Variants in DCAF12 observed in about 807,000 individuals in gnomAD.
DCAF12 encodes DDB1- and CUL4-associated factor 12.
In DCAF12, 28 loss-of-function variants were observed where a neutral mutation model predicts 52.8. The ratio of observed to expected loss-of-function variants is 0.53; its 90% confidence interval spans 0.39 to 0.73. The LOEUF (loss-of-function observed/expected upper bound fraction) is 0.73. DCAF12 is among the 30% of genes least tolerant of loss of function. The pLI, the probability that DCAF12 is intolerant of heterozygous loss-of-function variation, is 0.00. For missense variants in DCAF12, 425 were observed against 552.2 expected (o/e 0.77, Z 2.31); for synonymous variants, 196 against 215.5 (o/e 0.91, Z 0.79).
At position 34,126,562 on chromosome 9, in the gene DCAF12, C is replaced by A; in HGVS notation, c.-131G>T. ...GCCCGGCCCGGAAAATGGCCCGGACCCGGAGCGGCAGCAGAAAAAAGATAG... is the reference window on the plus strand; with the variant it reads ...GCCCGGCCCGGAAAATGGCCCGGACACGGAGCGGCAGCAGAAAAAAGATAG... On this transcript the variant is annotated 5_prime_UTR_variant, in exon 1 of 9. Coordinates refer to ENST00000361264, the MANE Select transcript of DCAF12 (RefSeq NM_015397.4). The A allele has an allele frequency of 5.1e-6, 5 of 984,090 alleles. No homozygotes were observed. Among genetic ancestry groups the A allele is most frequent in the Non-Finnish European group, 7.2e-6 (5 of 690,254 alleles). The allele number at this position is 984,090 out of a possible 1,614,324, so 61.0% of individuals were successfully genotyped here.
At chr9:34,120,372 T>C (rs955499233) in intron 2 of DCAF12, among the ~76,000 whole-genome samples, 3 of 151,824 alleles carry the variant, frequency 2.0e-5, no homozygotes, top group Non-Finnish European at 4.4e-5. Context: ...AAATGCTGTC[T>C]TGAAAAACAA....
In DCAF12 at chr9:34,121,602, G is replaced by A. The variant is rs750640068; in HGVS notation, c.333+3421C>T. Among the ~76,000 whole-genome samples, 6 of 122,950 alleles carry A rather than the reference G, an allele frequency of 4.9e-5. No individual in the cohort carries two copies. The East Asian group carries it at 7.0e-4, about 14-fold the overall frequency. 80.7% of individuals were successfully genotyped at this position (122,950 alleles called of 152,430 possible). Reference sequence around the variant, plus strand: ...CAACTGTGTAGATCATCACTCTGCCGATTGCCATCCTTCTCCTCAAATCAC... The same window carrying A: ...CAACTGTGTAGATCATCACTCTGCCAATTGCCATCCTTCTCCTCAAATCAC... On this transcript the variant is annotated intron_variant, in intron 2 of 8. Transcript: ENST00000361264.
intron 4 of DCAF12, among the ~76,000 whole-genome samples, chr9:34,102,836 G>A (rs1828850280): frequency 6.6e-6 from 1 of 151,986 alleles, no homozygotes; most frequent in Admixed American, 6.6e-5. Flanking sequence ...AACACTTTGG[G>A]AGGCTTAGGC....
intron 4 of DCAF12, 22 bp from the exon 5 acceptor site, chr9:34,098,539 G>A: frequency 6.2e-7 from 1 of 1,603,802 alleles, no homozygotes; most frequent in Non-Finnish European, 8.5e-7. Flanking sequence ...GGAGAACACA[G>A]ATGTCAGATG....
chr9:34,118,705 T>C (rs1220855778), intron 2 of DCAF12, among the ~76,000 whole-genome samples: 1 of 152,112 alleles, frequency 6.6e-6, no homozygotes, highest in Non-Finnish European at 1.5e-5. Flanking sequence ...GGGTCATGCA[T>C]ATAATCCCAG....
rs1346213969 is a variant in DCAF12, at chr9:34,088,254, A to C, written c.*96T>G. Reference sequence around the variant, plus strand: ...CAAACTTTGGTGTTCCCACTAAAACACAAGAGCCTCACACAATTAGGAAAA... The same window carrying C: ...CAAACTTTGGTGTTCCCACTAAAACCCAAGAGCCTCACACAATTAGGAAAA... On this transcript the variant is annotated 3_prime_UTR_variant, in exon 9 of 9. Transcript: ENST00000361264. 2 of 1,396,318 alleles carry C rather than the reference A, an allele frequency of 1.4e-6. No homozygotes were observed. Among genetic ancestry groups the C allele is most frequent in the Admixed American group, 2.6e-5 (1 of 38,696 alleles). 86.5% of individuals were successfully genotyped at this position (1,396,318 alleles called of 1,614,324 possible).
intron 1 of DCAF12, 133 bp from the exon 2 acceptor site, chr9:34,125,410 A>G: frequency 9.4e-7 from 1 of 1,058,996 alleles, no homozygotes. Context: ...ACACAAGAGA[A>G]CAAGAATCTC....
At chr9:34,124,586 T>C (rs1829219035) in intron 2 of DCAF12, among the ~76,000 whole-genome samples, 1 of 152,246 alleles carries the variant, frequency 6.6e-6, no homozygotes, top group South Asian at 2.1e-4. Flanking sequence ...TTTTAGATTC[T>C]GTTCACTAAA....
rs1289618692 is a variant in DCAF12 at position 34,102,011 on chromosome 9, T to C, written c.602-3494A>G. The stretch of plus-strand genomic sequence containing the variant: ...ACCTGGGTGACAGAGTGAGACCCTG[T>C]CGCAAAAAAAAAAAAAAGATAATAA... On this transcript the variant is annotated intron_variant, in intron 4 of 8. Coordinates refer to ENST00000361264, the MANE Select transcript of DCAF12 (RefSeq NM_015397.4). 5.4e-5 allele frequency among the ~76,000 whole-genome samples: 7 copies of C among 128,878 alleles called. No homozygotes were observed. In the East Asian group the frequency reaches 1.5e-3, roughly 28 times the overall value. 84.5% of individuals were successfully genotyped at this position (128,878 alleles called of 152,430 possible). A position where few individuals can be genotyped will look rare whatever the true frequency, so the allele number is the denominator to read the frequency against.
Position 34,096,711 on chromosome 9 carries a change from C to G in DCAF12, c.861+5G>C. ...GGTAAAACCACAAAATCATGTTCATCACACCTTAGATAGTGTATTTTCAGC... is the reference window on the plus strand; with the variant it reads ...GGTAAAACCACAAAATCATGTTCATGACACCTTAGATAGTGTATTTTCAGC... On this transcript the variant is annotated splice_donor_5th_base_variant and intron_variant, in intron 6 of 8. Transcript: ENST00000361264. 1 of 1,612,914 alleles carries G rather than the reference C, an allele frequency of 6.2e-7. No homozygotes were observed. The highest frequency in any genetic ancestry group is 8.5e-7 in the Non-Finnish European group (1 of 1,179,154).
At chr9:34,107,150 G>A (rs1041716183) in intron 3 of DCAF12, among the ~76,000 whole-genome samples, 2 of 152,188 alleles carry the variant, frequency 1.3e-5, no homozygotes, top group African/African-American at 4.8e-5. Flanking sequence ...ACTATGGGCA[G>A]TGGGAAGTAT....
Position 34,093,398 on chromosome 9 carries a change from A to G in DCAF12, c.912T>C (p.Tyr304=). The change falls in exon 7 of 9, where the codon TAT becomes TAC. Residue 304 remains tyrosine (Y), a synonymous_variant. Transcript: ENST00000361264. ...PYCRENVCLA[Y]GSEWSVYAVG... ...CTGCATAAACTGACCATTCACTACCATAAGCCAGACACACATTCTCACGGC... is the reference window on the plus strand; with the variant it reads ...CTGCATAAACTGACCATTCACTACCGTAAGCCAGACACACATTCTCACGGC... The G allele has an allele frequency of 6.2e-7, 1 of 1,614,220 alleles. No individual in the cohort carries two copies. Among genetic ancestry groups the G allele is most frequent in the East Asian group, 2.2e-5 (1 of 44,882 alleles).
In DCAF12 at chr9:34,104,849, C is replaced by T. The variant is rs561269174; in HGVS notation, c.601+1585G>A. ...GGGAGAAGTGCTTGAACCCAGGAGG[C>T]GGAGGTTGCAGTGAGCCAAGATTGC... On this transcript the variant is annotated intron_variant, in intron 4 of 8. Coordinates refer to ENST00000361264, the MANE Select transcript of DCAF12 (RefSeq NM_015397.4). Among the ~76,000 whole-genome samples the T allele has an allele frequency of 8.8e-5, 13 of 147,704 alleles. No homozygotes were observed. The East Asian group carries it at 1.4e-3, about 16-fold the overall frequency.
intron 4 of DCAF12, among the ~76,000 whole-genome samples, chr9:34,106,228 GACA>G (rs752692432): frequency 6.6e-6 from 1 of 151,332 alleles, no homozygotes; most frequent in East Asian, 1.9e-4. Context: ...GAGTATCTGG[GACA>G]ACAAGTATGC....
At chr9:34,093,486 G>A in intron 6 of DCAF12, 38 bp from the exon 7 acceptor site, 1 of 1,608,454 alleles carries the variant, frequency 6.2e-7, no homozygotes, top group Non-Finnish European at 8.5e-7. Flanking sequence ...GGCATCAGCA[G>A]AGAGGGTAAG....
intron 2 of DCAF12, among the ~76,000 whole-genome samples, chr9:34,114,874 T>C (rs1307139671): frequency 1.3e-5 from 2 of 151,792 alleles, no homozygotes; most frequent in Non-Finnish European, 2.9e-5. Flanking sequence ...GGCTGAAGCA[T>C]GAGGATCTCA....
Position 34,098,356 on chromosome 9 carries a change from C to T in DCAF12, c.763G>A (p.Val255Ile), listed in dbSNP as rs1025859421. 1.9e-6 allele frequency: 3 copies of T among 1,614,072 alleles called. No homozygotes were observed. Among genetic ancestry groups the T allele is most frequent in the Non-Finnish European group, 2.5e-6 (3 of 1,180,016 alleles). Residue 255 changes from valine (V) to isoleucine (I), a missense_variant, in exon 5 of 9, where the codon GTT becomes ATT. This residue lies in a region of DCAF12 where 328 missense variants were observed against 444.4 expected (regional missense o/e 0.74). Transcript: ENST00000361264. ...TTGTTGTTGAAGGCCAGAGCCCGAA[C>T]CTTGCAGTTGTCAGGGTTTGTGTCT... is the stretch of plus-strand genomic sequence containing the variant. The part of the protein sequence containing the change: ...KEDTNPDNCK[V>I]RALAFNNKNK...
At chr9:34,126,112 G>C (rs1310791509) in intron 1 of DCAF12, among the ~76,000 whole-genome samples, 1 of 152,080 alleles carries the variant, frequency 6.6e-6, no homozygotes, top group Non-Finnish European at 1.5e-5. Context: ...CCCTATCCAC[G>C]AATGCAGGCC....
At chr9:34,105,743 T>C (rs72731208) in intron 4 of DCAF12, among the ~76,000 whole-genome samples, 7,134 of 149,020 alleles carry the variant, frequency 0.048, 237 homozygotes, top group South Asian at 0.083. Flanking sequence ...CTATCTTATC[T>C]ATCTATCCAT....
Sources: allele counts gnomAD v4.1 joint callset (sites outside exome capture counted in the v4.1 genomes callset), GRCh38; gene constraint gnomAD v4.1.1; regional missense constraint gnomAD v4.1.1; transcripts MANE v1.5; gene names NCBI Gene and HGNC (gene_info 2026-07-23, HGNC 2026-07-21).